The following MED17 variants were observed in gnomAD, a reference collection of about 807,000 sequenced individuals.
The protein encoded by MED17 is mediator of RNA polymerase II transcription subunit 17.
In MED17, 49 loss-of-function variants were observed where a neutral mutation model predicts 80.8. The ratio of observed to expected loss-of-function variants is 0.61; its 90% confidence interval spans 0.48 to 0.77. The LOEUF (loss-of-function observed/expected upper bound fraction) is 0.77, where lower values mean the gene tolerates loss of function less well. Ranked by LOEUF, MED17 falls within the 30% of genes least tolerant of loss-of-function variation. MED17 has a pLI of 0.00. For synonymous variants in MED17, 281 were observed against 280.4 expected (o/e 1.00, Z -0.02); for missense variants, 718 against 787.0 (o/e 0.91, Z 1.05).
rs894118080 is a variant in MED17, at chr11:93,787,151, C to T, written c.251-850C>T. On this transcript the variant is annotated intron_variant, in intron 1 of 11. Transcript: ENST00000251871. ...CACTGGGGCCGGGCGCAGTGGCTCA[C>T]GTCTGTAATCCCAGCACTTTCGGAG... is the stretch of plus-strand genomic sequence containing the variant. Among the ~76,000 whole-genome samples, 9 of 152,178 alleles carry T rather than the reference C, an allele frequency of 5.9e-5. No homozygotes were observed. The East Asian group carries it at 7.7e-4, about 13-fold the overall frequency.
intron 10 of MED17, chr11:93,809,162 G>C (rs1443337718): frequency 5.6e-6 from 1 of 179,466 alleles, no homozygotes; most frequent in African/African-American, 2.4e-5. Context: ...GAACCCTAAG[G>C]GGGAGAGTCG....
At chr11:93,804,485 T>G (rs903312699) in intron 9 of MED17, among the ~76,000 whole-genome samples, 3 of 152,204 alleles carry the variant, frequency 2.0e-5, no homozygotes, top group Admixed American at 6.5e-5. Context: ...AAAATAATTA[T>G]CAGAATTCCT....
chr11:93,784,932 A>T, intron 1 of MED17, 169 bp downstream of exon 1: 1 of 979,614 alleles, frequency 1.0e-6, no homozygotes, highest in South Asian at 1.7e-5. Context: ...CTGCCGGACA[A>T]GGTAGGACAC....
chr11:93,796,006 G>GTCCA (rs1943896225), intron 6 of MED17: 1 of 214,904 alleles, frequency 4.7e-6, no homozygotes, highest in African/African-American at 2.4e-5. Flanking sequence ...GGAGTGCAAT[G>GTCCA]GCGTGATCTT....
chr11:93,790,170 G>A (rs1267025629), intron 2 of MED17: 1 of 274,908 alleles, frequency 3.6e-6, no homozygotes, highest in Non-Finnish European at 7.2e-6. Context: ...CCATCATGCA[G>A]GTTACCATTG....
At chr11:93,796,584 C>G (rs1407587490) in intron 7 of MED17, 44 bp downstream of exon 7, 1 of 1,609,126 alleles carries the variant, frequency 6.2e-7, no homozygotes, top group East Asian at 2.2e-5. Context: ...TGAGTATGTC[C>G]AGGGCAGTGA....
At chr11:93,805,085 G>T (rs1372829708) in intron 9 of MED17, among the ~76,000 whole-genome samples, 1 of 152,200 alleles carries the variant, frequency 6.6e-6, no homozygotes, top group Non-Finnish European at 1.5e-5. Flanking sequence ...TTATTGCTCA[G>T]TAGTCATATA....
intron 5 of MED17, chr11:93,794,402 C>T (rs556740282): frequency 1.3e-4 from 35 of 268,044 alleles, no homozygotes; most frequent in Non-Finnish European, 2.1e-4. Context: ...TGGGGTTTCT[C>T]CATGTTGGTC....
intron 9 of MED17, among the ~76,000 whole-genome samples, chr11:93,803,851 A>G (rs572061884): frequency 6.6e-6 from 1 of 152,100 alleles, no homozygotes; most frequent in East Asian, 1.9e-4. Context: ...TAGCCTTGAC[A>G]GAATCAGGAG....
At chr11:93,800,418 C>A (rs1025949775) in intron 8 of MED17, among the ~76,000 whole-genome samples, 3 of 151,328 alleles carry the variant, frequency 2.0e-5, no homozygotes, top group African/African-American at 7.3e-5. Flanking sequence ...CACTTGAGGT[C>A]AGGAGTTCTA....
At chr11:93,807,860 T>C (rs1184194783) in intron 10 of MED17, 4 of 552,084 alleles carry the variant, frequency 7.2e-6, no homozygotes, top group Non-Finnish European at 1.3e-5. Flanking sequence ...TATGTTAAGA[T>C]GAAGGACCAG....
In MED17 at chr11:93,812,395, G is replaced by T; in HGVS notation, c.*331G>T. On this transcript the variant is annotated 3_prime_UTR_variant, in exon 12 of 12. Transcript: ENST00000251871. ...ATGTTGACATCAAATAAAGTATGTG[G>T]TTTAAAAAAATCTCCAAATACCTTT... is the stretch of plus-strand genomic sequence containing the variant. 8.2e-6 allele frequency: 4 copies of T among 489,998 alleles called. No homozygotes were observed. Among genetic ancestry groups the T allele is most frequent in the South Asian group, 7.5e-5 (2 of 26,492 alleles). The allele number at this position is 489,998 out of a possible 1,614,324, so 30.4% of individuals were successfully genotyped here.
intron 4 of MED17, 24 bp downstream of exon 4, chr11:93,793,888 G>T: frequency 1.2e-6 from 2 of 1,613,540 alleles, no homozygotes; most frequent in South Asian, 1.1e-5. Context: ...TATTTTTCAA[G>T]TAATTTCTTA....
At chr11:93,791,118 A>G (rs891845940) in intron 3 of MED17, among the ~76,000 whole-genome samples, 3 of 152,230 alleles carry the variant, frequency 2.0e-5, no homozygotes, top group African/African-American at 7.2e-5. Context: ...AAACACAAAC[A>G]AAAACAATGC....
chr11:93,794,280 C>G, intron 5 of MED17: 1 of 381,494 alleles, frequency 2.6e-6, no homozygotes, highest in South Asian at 2.4e-5. Flanking sequence ...TCTCGGCTCA[C>G]CGCAACGTCT....
Position 93,814,934 on chromosome 11 carries a change from T to C in MED17, c.*2870T>C, listed in dbSNP as rs1367291047. 6.6e-6 allele frequency: 1 copy of C among 152,152 alleles called. No homozygotes were observed. Among genetic ancestry groups the C allele is most frequent in the African/African-American group, 2.4e-5 (1 of 41,424 alleles). The allele number at this position is 152,152 out of a possible 1,614,324, so 9.4% of individuals were successfully genotyped here. ...CACCATGCCTGGCCTCCTTAGGTAT[T>C]GCTGATGAATAAAAACAGGGGCAAC... is the stretch of plus-strand genomic sequence containing the variant. On this transcript the variant is annotated 3_prime_UTR_variant, in exon 12 of 12. Coordinates refer to ENST00000251871, the MANE Select transcript of MED17 (RefSeq NM_004268.5).
At chr11:93,794,430 C>T (rs1487622253) in intron 5 of MED17, 1 of 250,412 alleles carries the variant, frequency 4.0e-6, no homozygotes, top group African/African-American at 2.3e-5. Flanking sequence ...TCTCGAACAC[C>T]CAACCTCAGG....
At chr11:93,789,276 A>G (rs1425866982) in intron 2 of MED17, 2 of 152,216 alleles carry the variant, frequency 1.3e-5, no homozygotes, top group Non-Finnish European at 2.9e-5. Context: ...TCTTCATTTT[A>G]TAGAGAGAAA....
intron 9 of MED17, among the ~76,000 whole-genome samples, chr11:93,803,942 C>G (rs569668738): frequency 6.8e-6 from 1 of 147,744 alleles, no homozygotes; most frequent in Admixed American, 6.7e-5. Flanking sequence ...TCTAGAGGGA[C>G]AGAACTAATG....
Sources: allele counts gnomAD v4.1 joint callset (sites outside exome capture counted in the v4.1 genomes callset), GRCh38; gene constraint gnomAD v4.1.1; transcripts MANE v1.5; gene names NCBI Gene and HGNC (gene_info 2026-07-23, HGNC 2026-07-21).